The following SPATA13 variants were observed in gnomAD, a reference collection of about 807,000 sequenced individuals.
The protein encoded by SPATA13 is spermatogenesis associated 13.
In SPATA13, 50 loss-of-function variants were observed where a neutral mutation model predicts 104.0. The observed-to-expected ratio is 0.48, with a 90% CI of 0.38 to 0.61. The LOEUF is 0.61. SPATA13 is among the 20% of genes least tolerant of loss of function. The pLI is 0.00. For synonymous variants in SPATA13, 606 were observed against 667.5 expected, an observed-to-expected ratio of 0.91 and a Z score of 1.42; for missense variants, 1,524 against 1,690.6, an observed-to-expected ratio of 0.90 and a Z score of 1.73.
At chr13:24,031,196 G>T (rs1185018706) in intron 3 of SPATA13, among the ~76,000 whole-genome samples, 1 of 152,216 alleles carries the variant, frequency 6.6e-6, no homozygotes, top group Admixed American at 6.5e-5. Context: ...TGGATGGCAT[G>T]GATGCCAGCA....
chr13:24,100,389 GT>G (rs1234333590), intron 3 of SPATA13, among the ~76,000 whole-genome samples: 1 of 152,188 alleles, frequency 6.6e-6, no homozygotes, highest in Non-Finnish European at 1.5e-5. Flanking sequence ...TTGCAGATGA[GT>G]TTACTTCTTA....
chr13:24,234,176 C>T (rs1872446092), intron 2 of SPATA13, among the ~76,000 whole-genome samples: 1 of 152,108 alleles, frequency 6.6e-6, no homozygotes, highest in Non-Finnish European at 1.5e-5. Context: ...TGATGTACTG[C>T]ATCTTATTAA....
intron 3 of SPATA13, among the ~76,000 whole-genome samples, chr13:24,019,152 G>T (rs1265444449): frequency 6.7e-6 from 1 of 148,994 alleles, no homozygotes; most frequent in South Asian, 2.1e-4. Flanking sequence ...GCAGTGGCGG[G>T]ATCTCGGCTC....
intron 1 of SPATA13, among the ~76,000 whole-genome samples, chr13:23,982,882 G>A (rs1172390384): frequency 1.3e-5 from 2 of 152,194 alleles, no homozygotes; most frequent in Admixed American, 1.3e-4. Flanking sequence ...TCTCCCACCA[G>A]CCCTGGAGTG....
chr13:24,200,812 AAAAC>A (rs1187349026), intron 1 of SPATA13, among the ~76,000 whole-genome samples: 1 of 151,980 alleles, frequency 6.6e-6, no homozygotes, highest in African/African-American at 2.4e-5. Flanking sequence ...CATCAAGTTT[AAAAC>A]AAATAAAACA....
chr13:24,264,900 A>G (rs747301405), intron 4 of SPATA13, among the ~76,000 whole-genome samples: 13 of 152,194 alleles, frequency 8.5e-5, no homozygotes, highest in Non-Finnish European at 1.5e-4. Context: ...CCCAGGTCCA[A>G]AGTATCTTGT....
At chr13:24,169,047 G>C (rs976967720) in intron 1 of SPATA13, among the ~76,000 whole-genome samples, 1 of 152,150 alleles carries the variant, frequency 6.6e-6, no homozygotes, top group Non-Finnish European at 1.5e-5. Flanking sequence ...AATCCCCAGA[G>C]TGGCCTGCTA....
intron 1 of SPATA13, among the ~76,000 whole-genome samples, chr13:24,185,908 T>C (rs955803964): frequency 6.6e-6 from 1 of 151,946 alleles, no homozygotes; most frequent in East Asian, 1.9e-4. Flanking sequence ...TAGGCTGGAG[T>C]GTCTGGCAGG....
intron 1 of SPATA13, among the ~76,000 whole-genome samples, chr13:24,192,877 A>G (rs950850951): frequency 1.3e-5 from 2 of 152,216 alleles, no homozygotes; most frequent in Non-Finnish European, 2.9e-5. Context: ...AGGCACTTCC[A>G]GAGCCCAGCA....
chr13:24,145,724 G>A (rs1397078318), intron 3 of SPATA13, among the ~76,000 whole-genome samples: 3 of 152,220 alleles, frequency 2.0e-5, no homozygotes, highest in Non-Finnish European at 4.4e-5. Context: ...AGAGAATTGT[G>A]CATGATCAAT....
chr13:24,025,324 G>A (rs1877163819), intron 3 of SPATA13, among the ~76,000 whole-genome samples: 1 of 151,784 alleles, frequency 6.6e-6, no homozygotes, highest in South Asian at 2.1e-4. Context: ...GTATTTCTGT[G>A]TACTTATATA....
chr13:24,003,984 C>T (rs994291826), intron 2 of SPATA13, among the ~76,000 whole-genome samples: 4 of 152,188 alleles, frequency 2.6e-5, no homozygotes, highest in African/African-American at 7.2e-5. Flanking sequence ...TATACATACA[C>T]ACAGAAACAG....
chr13:24,040,281 G>T (rs1192443423), intron 3 of SPATA13, among the ~76,000 whole-genome samples: 1 of 152,182 alleles, frequency 6.6e-6, no homozygotes, highest in Non-Finnish European at 1.5e-5. Flanking sequence ...CTGGACAAAG[G>T]CCCCGTGTGT....
intron 3 of SPATA13, among the ~76,000 whole-genome samples, chr13:24,080,275 T>A (rs1022522146): frequency 6.6e-6 from 1 of 152,226 alleles, no homozygotes; most frequent in Non-Finnish European, 1.5e-5. Flanking sequence ...TAAGGTTTAC[T>A]GCTGTAAACA....
rs577002817 is a variant in SPATA13 at position 24,205,259 on chromosome 13, C to A, written c.-111-17560C>A. The stretch of plus-strand genomic sequence containing the variant: ...TTCAGCAAATTCTCAGAATACAAAA[C>A]CAATGTGCAAAATTGCTAGCATTCC... On this transcript the variant is annotated intron_variant, in intron 1 of 12. Transcript: ENST00000382108. The surrounding 1 kb of genome is among the most constrained non-coding windows in gnomAD (Gnocchi z 4.1). Among the ~76,000 whole-genome samples the A allele has an allele frequency of 1.3e-5, 2 of 152,280 alleles. No homozygotes were observed. Among genetic ancestry groups the A allele is most frequent in the African/African-American group, 4.8e-5 (2 of 41,540 alleles).
intron 3 of SPATA13, among the ~76,000 whole-genome samples, chr13:24,135,697 CAA>C (rs34145507): frequency 0.01 from 842 of 82,310 alleles, 9 homozygotes; most frequent in East Asian, 0.099. Flanking sequence ...GAATCCGTCT[CAA>C]AAAAAAAAAA....
At chr13:24,022,620 C>T (rs867210644) in intron 3 of SPATA13, among the ~76,000 whole-genome samples, 9 of 152,244 alleles carry the variant, frequency 5.9e-5, no homozygotes, top group Middle Eastern at 6.8e-3. Flanking sequence ...ATGTTTTCCA[C>T]CACAATTTTT....
At chr13:24,059,993 G>A (rs574213039) in intron 3 of SPATA13, among the ~76,000 whole-genome samples, 7 of 152,066 alleles carry the variant, frequency 4.6e-5, no homozygotes, top group Non-Finnish European at 1.0e-4. Flanking sequence ...GTTGTATATG[G>A]CTCTTTTATT....
intron 2 of SPATA13, among the ~76,000 whole-genome samples, chr13:24,229,106 T>C (rs556275301): frequency 3.9e-5 from 6 of 152,350 alleles, no homozygotes; most frequent in Admixed American, 3.3e-4. Flanking sequence ...ATTTACTTGT[T>C]GACAGTGCTG....
Sources: gnomAD v4.1 joint callset for allele counts (sites outside exome capture counted in the v4.1 genomes callset) on GRCh38, gnomAD v4.1.1 for gene constraint, Gnocchi (gnomAD v3.1) non-coding constraint, MANE v1.5 for transcripts, NCBI Gene and HGNC (gene_info 2026-07-23, HGNC 2026-07-21) for gene names.